PSIP1: variants seen among roughly 807,000 people sequenced by gnomAD.
PSIP1 encodes PC4 and SRSF1 interacting protein 1.
A neutral mutation model predicts 74.7 loss-of-function variants in PSIP1; 19 were observed. The ratio of observed to expected loss-of-function variants is 0.25; its 90% CI spans 0.18 to 0.37. The LOEUF is 0.37. Ranked by LOEUF, PSIP1 falls within the 10% of genes least tolerant of loss-of-function variation. The probability of loss-of-function intolerance (pLI) is 1.00; values close to 1 mark genes in which losing one functional copy is unlikely to be tolerated. For synonymous variants in PSIP1, 222 were observed against 195.3 expected, an observed-to-expected ratio of 1.14 and a Z score of -1.14; for missense variants, 601 against 614.3, an observed-to-expected ratio of 0.98 and a Z score of 0.23.
At chr9:15,510,645 C>T (rs937489158) in intron 1 of PSIP1, among the ~76,000 whole-genome samples, 172 bp downstream of exon 1, 1 of 152,062 alleles carries the variant, frequency 6.6e-6, no homozygotes, top group East Asian at 1.9e-4. Flanking sequence ...GCAGGGATTC[C>T]GAGAAGCGAG....
chr9:15,485,929 TG>T, intron 6 of PSIP1, 76 bp downstream of exon 6: 5 of 1,273,578 alleles, frequency 3.9e-6, no homozygotes, highest in Non-Finnish European at 5.6e-6. Context: ...AAGGTTTCAT[TG>T]TATCTACTCT....
At chr9:15,495,346 C>T (rs985037562) in intron 3 of PSIP1, among the ~76,000 whole-genome samples, 3 of 151,812 alleles carry the variant, frequency 2.0e-5, no homozygotes, top group Admixed American at 2.0e-4. Flanking sequence ...TCAAAAAAAG[C>T]AGTTCTTAAA....
chr9:15,503,672 A>C (rs2037449544), intron 3 of PSIP1, among the ~76,000 whole-genome samples: 1 of 152,002 alleles, frequency 6.6e-6, no homozygotes, highest in Non-Finnish European at 1.5e-5. Context: ...AAAAAAAAAA[A>C]ACTTCAAATA....
intron 6 of PSIP1, 111 bp downstream of exon 6, chr9:15,485,895 G>A: frequency 1.1e-6 from 1 of 944,596 alleles, no homozygotes; most frequent in Non-Finnish European, 1.6e-6. Context: ...AAAATTAAAG[G>A]GTTTAGAATA....
At chr9:15,468,599 G>T in intron 14 of PSIP1, 31 bp downstream of exon 14, 1 of 1,593,328 alleles carries the variant, frequency 6.3e-7, no homozygotes, top group Non-Finnish European at 8.6e-7. Flanking sequence ...TTTAAAAACT[G>T]GTGTGAAATT....
chr9:15,489,014 C>G (rs1344450775), intron 4 of PSIP1, among the ~76,000 whole-genome samples: 1 of 151,802 alleles, frequency 6.6e-6, no homozygotes, highest in Non-Finnish European at 1.5e-5. Flanking sequence ...GAGCGAGACT[C>G]CTCTCAAAAA....
intron 3 of PSIP1, among the ~76,000 whole-genome samples, chr9:15,502,183 T>C (rs753129257): frequency 7.2e-5 from 11 of 152,320 alleles, no homozygotes; most frequent in East Asian, 1.9e-4. Context: ...CTGTCTTCCA[T>C]TGCTGCTTTA....
Position 15,510,369 on chromosome 9 carries a change from G to A in PSIP1, c.-141-40C>T, listed in dbSNP as rs989331999. 15 of 165,208 alleles carry A rather than the reference G, an allele frequency of 9.1e-5. No homozygotes were observed. The East Asian group carries it at 1.5e-3, about 17-fold the overall frequency. The allele number at this position is 165,208 out of a possible 1,614,324, so 10.2% of individuals were successfully genotyped here. On this transcript the variant is annotated intron_variant, in intron 1 of 15. Transcript: ENST00000380733. ...GAGGGCGGTTAAAGCGAAGAACCCC[G>A]AAGGGAGGGGCCGCAAGGGGAGGGG...
At chr9:15,490,727 T>G (rs1272048879) in intron 3 of PSIP1, among the ~76,000 whole-genome samples, 1 of 151,322 alleles carries the variant, frequency 6.6e-6, no homozygotes, top group East Asian at 1.9e-4. Context: ...TAAATTTGGG[T>G]TTTTTTAAAC....
At chr9:15,475,922 C>G (rs2036055956) in intron 8 of PSIP1, among the ~76,000 whole-genome samples, 2 of 152,252 alleles carry the variant, frequency 1.3e-5, no homozygotes, top group Non-Finnish European at 2.9e-5. Context: ...GCAAACACAA[C>G]CCTAAGAGCT....
At chr9:15,505,481 G>A (rs1417797471) in intron 3 of PSIP1, 1 of 151,976 alleles carries the variant, frequency 6.6e-6, no homozygotes, top group African/African-American at 2.4e-5. Flanking sequence ...TATGATGAAG[G>A]CCAAACCAAT....
intron 3 of PSIP1, among the ~76,000 whole-genome samples, chr9:15,492,421 T>G (rs996219930): frequency 1.3e-5 from 2 of 152,232 alleles, no homozygotes; most frequent in African/African-American, 2.4e-5. Context: ...ATTCAGATCA[T>G]GCAAATGCAA....
intron 3 of PSIP1, chr9:15,506,273 C>A (rs1430991373): frequency 1.1e-5 from 3 of 267,516 alleles, no homozygotes; most frequent in Middle Eastern, 1.2e-3. Context: ...ATAGGAATAT[C>A]AGATCACTTA....
At position 15,466,846 on chromosome 9, in the gene PSIP1, TAG is replaced by T; in HGVS notation, c.1432_1433del (p.Leu478LysfsTer5). 1 of 1,612,746 alleles carries T rather than the reference TAG, an allele frequency of 6.2e-7. No homozygotes were observed. ...CATCTTGAGCATCAGATCCTCCATTTAGAGTCTTTGACCCTTGCGAAGGAATC... is the reference window on the plus strand; with the variant it reads ...CATCTTGAGCATCAGATCCTCCATTTAGTCTTTGACCCTTGCGAAGGAATC... The part of the protein sequence containing the change: ...LEKEQTGSKT[L>X]NGGSDAQDGN... On this transcript the variant is annotated frameshift_variant, in exon 15 of 16. Transcript: ENST00000380733. LOFTEE classifies it high-confidence loss of function.
intron 14 of PSIP1, chr9:15,468,293 A>G: frequency 1.8e-6 from 1 of 554,210 alleles, no homozygotes; most frequent in South Asian, 1.4e-5. Context: ...TTTAGGTGAG[A>G]AGAAAACAGA....
intron 8 of PSIP1, 87 bp downstream of exon 8, chr9:15,478,385 TAAGAG>T: frequency 9.9e-7 from 1 of 1,006,938 alleles, no homozygotes; most frequent in South Asian, 1.6e-5. Flanking sequence ...AAACATCCTG[TAAGAG>T]AAAACTGATA....
intron 3 of PSIP1, among the ~76,000 whole-genome samples, chr9:15,497,437 C>A (rs2037133809): frequency 6.6e-6 from 1 of 151,100 alleles, no homozygotes; most frequent in Non-Finnish European, 1.5e-5. Flanking sequence ...AACAATTCTC[C>A]TGCCTTAGCC....
rs1379795144 is a variant in PSIP1, at chr9:15,484,148, C to A, written c.456+1858G>T. 1.4e-3 allele frequency among the ~76,000 whole-genome samples: 196 copies of A among 135,594 alleles called. 1 individual carries two copies. The highest frequency in any genetic ancestry group is 7.6e-3 in the Middle Eastern group (2 of 264). The allele number at this position is 135,594 out of a possible 152,430, so 89.0% of individuals were successfully genotyped here. ...CTCTGTATCCAAAAAAAAAAAAAAACAAATTTATATTTAAAAAAAAAAAGA... is the reference window on the plus strand; with the variant it reads ...CTCTGTATCCAAAAAAAAAAAAAAAAAAATTTATATTTAAAAAAAAAAAGA... On this transcript the variant is annotated intron_variant, in intron 6 of 15. Transcript: ENST00000380733.
chr9:15,504,936 G>A (rs1022634621), intron 3 of PSIP1: 2 of 151,158 alleles, frequency 1.3e-5, no homozygotes, highest in Admixed American at 1.3e-4. Context: ...TTATTCAGTA[G>A]GTCTAGAATA....
Sources: allele counts gnomAD v4.1 joint callset (sites outside exome capture counted in the v4.1 genomes callset), GRCh38; gene constraint gnomAD v4.1.1; transcripts MANE v1.5; gene names NCBI Gene and HGNC (gene_info 2026-07-23, HGNC 2026-07-21).